Variants in NRXN3 observed in about 807,000 individuals in gnomAD.
NRXN3 encodes the protein neurexin III.
Under a neutral mutation model 137.6 loss-of-function variants are expected in NRXN3, and 32 were observed. The ratio of observed to expected loss-of-function variants is 0.23; its 90% CI spans 0.18 to 0.31. The LOEUF (loss-of-function observed/expected upper bound fraction) is 0.31. Among genes scored for constraint, NRXN3 ranks in the 10% least tolerant of loss-of-function variants. The pLI, the probability that NRXN3 is intolerant of heterozygous loss-of-function variation, is 1.00. For synonymous variants in NRXN3, 798 were observed against 784.5 expected (o/e 1.02, Z -0.29); for missense variants, 1,574 against 2,062.5 (o/e 0.76, Z 4.59).
intron 4 of NRXN3, among the ~76,000 whole-genome samples, chr14:78,413,153 G>A (rs953657959): frequency 2.0e-5 from 3 of 152,148 alleles, no homozygotes; most frequent in Non-Finnish European, 2.9e-5. Context: ...AGGAAGTGAG[G>A]GAGGAAGAGC....
intron 4 of NRXN3, among the ~76,000 whole-genome samples, chr14:78,347,275 A>G (rs2082873055): frequency 6.6e-6 from 1 of 152,242 alleles, no homozygotes; most frequent in Non-Finnish European, 1.5e-5. Flanking sequence ...GGAAGTGCTC[A>G]GGGAGCATAG....
Position 78,545,462 on chromosome 14 carries a change from A to T in NRXN3, c.758-99658A>T, listed in dbSNP as rs2096628793. Among the ~76,000 whole-genome samples the T allele has an allele frequency of 2.0e-5, 3 of 152,100 alleles. No individual in the cohort carries two copies. The South Asian group carries it at 6.2e-4, about 32-fold the overall frequency. ...GTTGGTCCCCTAACTCTACTCCAAG[A>T]TAGTTCATATTAATAACCTAGTATA... On this transcript the variant is annotated intron_variant, in intron 4 of 20. Coordinates refer to ENST00000335750, the MANE Select transcript of NRXN3 (RefSeq NM_001330195.2).
intron 16 of NRXN3, among the ~76,000 whole-genome samples, chr14:79,542,638 CT>C (rs918710271): frequency 6.6e-6 from 1 of 152,154 alleles, no homozygotes; most frequent in African/African-American, 2.4e-5. Context: ...TCTTTTTAAG[CT>C]TTCTCCCTCC....
chr14:78,298,368 C>T (rs2076561634), intron 4 of NRXN3, among the ~76,000 whole-genome samples: 1 of 152,206 alleles, frequency 6.6e-6, no homozygotes, highest in Non-Finnish European at 1.5e-5. Flanking sequence ...GTGGGTTTGA[C>T]TGTTTTCAGT....
chr14:78,740,701 T>C (rs548697539), intron 8 of NRXN3, among the ~76,000 whole-genome samples: 2 of 152,272 alleles, frequency 1.3e-5, no homozygotes, highest in African/African-American at 4.8e-5. Flanking sequence ...TCTTTGCATG[T>C]TGGCTTGCAG....
chr14:79,562,998 C>A (rs1216977148), intron 16 of NRXN3, among the ~76,000 whole-genome samples: 3 of 152,084 alleles, frequency 2.0e-5, no homozygotes, highest in Non-Finnish European at 4.4e-5. Flanking sequence ...AGGCCCTGAA[C>A]ACAACATAGG....
intron 16 of NRXN3, among the ~76,000 whole-genome samples, chr14:79,578,952 C>A: frequency 6.6e-6 from 1 of 152,034 alleles, no homozygotes. Context: ...CTCTCAATGA[C>A]AAAATTATTT....
In NRXN3 at chr14:78,943,624, ATATATATAT is replaced by A. The variant is rs2099358924; in HGVS notation, c.2276-13617_2276-13609del. 8.1e-3 allele frequency among the ~76,000 whole-genome samples: 128 copies of A among 15,842 alleles called. 10 individuals are homozygous for A. The highest frequency in any genetic ancestry group is 0.012 in the Non-Finnish European group (80 of 6,664). The allele number at this position is 15,842 out of a possible 152,430, so 10.4% of individuals were successfully genotyped here. The stretch of plus-strand genomic sequence containing the variant: ...AAGATCACTGTTAAAAAAAAAAAAT[ATATATATAT>A]ATATATATATATATATATATATATA... On this transcript the variant is annotated intron_variant, in intron 10 of 20. Coordinates refer to ENST00000335750, the MANE Select transcript of NRXN3 (RefSeq NM_001330195.2).
intron 4 of NRXN3, among the ~76,000 whole-genome samples, chr14:78,426,398 G>A (rs559422072): frequency 6.1e-4 from 93 of 152,270 alleles, no homozygotes; most frequent in African/African-American, 2.1e-3. Context: ...AGGTTGCAGA[G>A]GAAGGGGAAA....
chr14:78,629,968 A>C (rs576169222), intron 4 of NRXN3, among the ~76,000 whole-genome samples: 7 of 152,348 alleles, frequency 4.6e-5, no homozygotes, highest in African/African-American at 1.7e-4. Flanking sequence ...CACTAACTCG[A>C]TGCCCTTTAT....
intron 15 of NRXN3, among the ~76,000 whole-genome samples, chr14:79,417,963 G>GAA (rs34369597): frequency 2.8e-5 from 4 of 141,546 alleles, no homozygotes; most frequent in Non-Finnish European, 4.6e-5. Context: ...AGAATATATG[G>GAA]AAAAAAAAAA....
chr14:79,608,835 T>C (rs1196058847), intron 16 of NRXN3, among the ~76,000 whole-genome samples: 2 of 152,030 alleles, frequency 1.3e-5, no homozygotes, highest in Non-Finnish European at 2.9e-5. Context: ...TGTAAGAGTC[T>C]CAGGAGTGCA....
At chr14:79,785,268 T>G (rs1017455611) in intron 19 of NRXN3, among the ~76,000 whole-genome samples, 1 of 152,226 alleles carries the variant, frequency 6.6e-6, no homozygotes, top group Non-Finnish European at 1.5e-5. Flanking sequence ...TTTGATTTGA[T>G]TTGTTTGTTA....
At chr14:79,675,891 CCT>C (rs1334173966) in intron 17 of NRXN3, among the ~76,000 whole-genome samples, 20 of 152,032 alleles carry the variant, frequency 1.3e-4, no homozygotes, top group Admixed American at 1.2e-3. Flanking sequence ...TAAATACACC[CCT>C]CTCTCCTAAA....
chr14:78,883,226 A>G (rs1184771954), intron 10 of NRXN3, among the ~76,000 whole-genome samples: 1 of 152,214 alleles, frequency 6.6e-6, no homozygotes, highest in Non-Finnish European at 1.5e-5. Flanking sequence ...TATTATTCTC[A>G]TGTGATATAA....
chr14:79,674,229 T>G (rs140910903), intron 17 of NRXN3, among the ~76,000 whole-genome samples: 79 of 152,188 alleles, frequency 5.2e-4, no homozygotes, highest in African/African-American at 1.9e-3. Context: ...ATTGAGGAAA[T>G]TAATGACCAT....
At chr14:79,564,060 C>G (rs148515757) in intron 16 of NRXN3, among the ~76,000 whole-genome samples, 2 of 151,742 alleles carry the variant, frequency 1.3e-5, no homozygotes. Context: ...GGCAATGATG[C>G]TTAGTGAAGT....
intron 15 of NRXN3, among the ~76,000 whole-genome samples, chr14:79,030,123 C>T (rs1424252778): frequency 6.6e-6 from 1 of 150,718 alleles, no homozygotes; most frequent in Non-Finnish European, 1.5e-5. Flanking sequence ...CTCAAGCGAC[C>T]CACCTGCCTC....
intron 4 of NRXN3, among the ~76,000 whole-genome samples, chr14:78,619,863 G>C (rs918824437): frequency 6.6e-6 from 1 of 152,110 alleles, no homozygotes; most frequent in Non-Finnish European, 1.5e-5. Flanking sequence ...CTTAGAACAA[G>C]AGGAAGAGAC....
Sources: allele counts gnomAD v4.1 joint callset (sites outside exome capture counted in the v4.1 genomes callset), GRCh38; gene constraint gnomAD v4.1.1; transcripts MANE v1.5; gene names NCBI Gene and HGNC (gene_info 2026-07-23, HGNC 2026-07-21).